The following SLC38A1 variants were observed in gnomAD, a reference collection of about 807,000 sequenced individuals.
The protein encoded by SLC38A1 is sodium-coupled neutral amino acid symporter 1.
Under a neutral mutation model 60.3 loss-of-function variants are expected in SLC38A1, and 18 were observed. The ratio of observed to expected loss-of-function variants is 0.30; its 90% CI spans 0.21 to 0.44. The LOEUF (loss-of-function observed/expected upper bound fraction) is 0.44, where lower values mean the gene tolerates loss of function less well. Among genes scored for constraint, SLC38A1 ranks in the 20% least tolerant of loss-of-function variants. SLC38A1 has a pLI of 1.00. For synonymous variants in SLC38A1, 196 were observed against 212.1 expected (o/e 0.92, Z 0.66); for missense variants, 448 against 587.2 (o/e 0.76, Z 2.45).
chr12:46,197,608 G>A (rs377472399), intron 16 of SLC38A1, 112 bp downstream of exon 16: 48 of 738,124 alleles, frequency 6.5e-5, no homozygotes, highest in Middle Eastern at 7.8e-4. Flanking sequence ...CAGGGCTTCT[G>A]CCTCCTTTCA....
At position 46,189,115 on chromosome 12, in the gene SLC38A1, T is replaced by G. The variant is rs200407114; in HGVS notation, c.1363-44A>C. 1.6e-4 allele frequency: 243 copies of G among 1,494,976 alleles called. No individual in the cohort carries two copies. In the African/African-American group the frequency reaches 2.9e-3, roughly 18 times the overall value. The allele number at this position is 1,494,976 out of a possible 1,614,324, so 92.6% of individuals were successfully genotyped here. ...AAGGGTTATTTTCAGTGCAGCAAAATTTTTCCACATGTACCTGGGGAAAAA... is the reference window on the plus strand; with the variant it reads ...AAGGGTTATTTTCAGTGCAGCAAAAGTTTTCCACATGTACCTGGGGAAAAA... On this transcript the variant is annotated intron_variant, in intron 16 of 16. Coordinates refer to ENST00000398637, the MANE Select transcript of SLC38A1 (RefSeq NM_030674.4).
chr12:46,217,766 G>A (rs1940479381), intron 5 of SLC38A1, among the ~76,000 whole-genome samples: 2 of 152,196 alleles, frequency 1.3e-5, no homozygotes, highest in African/African-American at 4.8e-5. Flanking sequence ...TGTAGCATGT[G>A]ATCATGTATA....
chr12:46,208,302 AAGTGTTTATATTTCTTT>A (rs1269744114), intron 6 of SLC38A1, among the ~76,000 whole-genome samples: 3 of 152,348 alleles, frequency 2.0e-5, no homozygotes, highest in Non-Finnish European at 2.9e-5. Flanking sequence ...ACTTTTTAAA[AAGTGTTTATATTTCTTT>A]ATAACTGTTC....
chr12:46,214,644 G>A (rs1940322597), intron 5 of SLC38A1, among the ~76,000 whole-genome samples: 1 of 152,088 alleles, frequency 6.6e-6, no homozygotes, highest in Non-Finnish European at 1.5e-5. Context: ...TTAAATTGGA[G>A]AATTTTATTG....
rs148537728 is a variant in SLC38A1 at position 46,253,332 on chromosome 12, G to C, written c.-208-10018C>G. ...TTATTAAGAAAGTAAAGGAATAAAA[G>C]AATGGCTACTCCACAGACAGAGCGG... On this transcript the variant is annotated intron_variant, in intron 1 of 16. Transcript: ENST00000398637. 9.8e-3 allele frequency among the ~76,000 whole-genome samples: 1,498 copies of C among 152,342 alleles called. 18 individuals carry two copies. The highest frequency in any genetic ancestry group is 0.034 in the African/African-American group (1,422 of 41,586).
chr12:46,268,515 A>G lies in SLC38A1; in HGVS notation c.-209+11T>C, dbSNP rs1314625960. ...CGCCCAGCCCTCCCCGGGAACGGAT[A>G]ATCACCTTACCTCCGGAAATAAAGG... On this transcript the variant is annotated intron_variant, in intron 1 of 16. Transcript: ENST00000398637. This position sits in a 1 kb window ranked among gnomAD's most constrained non-coding sequence, Gnocchi z 4.4. 6.2e-6 allele frequency: 1 copy of G among 162,416 alleles called. No individual in the cohort carries two copies. The highest frequency in any genetic ancestry group is 2.4e-5 in the African/African-American group (1 of 41,896). The allele number at this position is 162,416 out of a possible 1,614,324, so 10.1% of individuals were successfully genotyped here. A position where few individuals can be genotyped will look rare whatever the true frequency, so the allele number is the denominator to read the frequency against.
At chr12:46,221,886 GA>G (rs1041697615) in intron 5 of SLC38A1, among the ~76,000 whole-genome samples, 1 of 152,158 alleles carries the variant, frequency 6.6e-6, no homozygotes, top group African/African-American at 2.4e-5. Context: ...AGCAGTTTTG[GA>G]GGAGATAACA....
intron 1 of SLC38A1, among the ~76,000 whole-genome samples, chr12:46,251,217 C>A (rs1340111582): frequency 1.3e-5 from 2 of 152,162 alleles, no homozygotes; most frequent in Non-Finnish European, 2.9e-5. Flanking sequence ...TGATCTTTGA[C>A]AAACCTGACA....
At chr12:46,228,335 C>T (rs554666986) in intron 5 of SLC38A1, among the ~76,000 whole-genome samples, 4 of 152,248 alleles carry the variant, frequency 2.6e-5, no homozygotes, top group East Asian at 1.9e-4. Context: ...GTAACCATTT[C>T]GGTCACTGCT....
At chr12:46,239,220 A>G (rs921526720) in intron 3 of SLC38A1, 1 of 152,866 alleles carries the variant, frequency 6.5e-6, no homozygotes, top group African/African-American at 2.4e-5. Context: ...ATGTCACATA[A>G]GAAATTCAAA....
chr12:46,183,839 TGA>T lies in SLC38A1; in HGVS notation c.*5129_*5130del, dbSNP rs1397109430. 1 of 152,296 alleles carries T rather than the reference TGA, an allele frequency of 6.6e-6. No individual in the cohort carries two copies. The highest frequency in any genetic ancestry group is 6.5e-5 in the Admixed American group (1 of 15,270). The allele number at this position is 152,296 out of a possible 1,614,324, so 9.4% of individuals were successfully genotyped here. On this transcript the variant is annotated 3_prime_UTR_variant, in exon 17 of 17. Coordinates refer to ENST00000398637, the MANE Select transcript of SLC38A1 (RefSeq NM_030674.4). The stretch of plus-strand genomic sequence containing the variant: ...AGGGTTTCAGGTTCCAAGTTTACAT[TGA>T]GAGAACTATGTTACCTGGGAGAGAA...
chr12:46,207,262 G>T (rs760213498), intron 7 of SLC38A1, 26 bp from the exon 8 acceptor site: 1 of 1,582,176 alleles, frequency 6.3e-7, no homozygotes, highest in South Asian at 1.1e-5. Flanking sequence ...AACATTTTTA[G>T]AAAGAAGATA....
intron 13 of SLC38A1, among the ~76,000 whole-genome samples, chr12:46,199,324 TG>T (rs760891193): frequency 0.25 from 28,085 of 112,360 alleles, 3,381 homozygotes; most frequent in African/African-American, 0.37. Context: ...TGTGTGTGTG[TG>T]TGTGTGTGTG....
chr12:46,239,917 AT>A (rs1420651452), intron 2 of SLC38A1, 24 bp from the exon 3 acceptor site: 3 of 845,602 alleles, frequency 3.5e-6, no homozygotes, highest in South Asian at 1.7e-5. Flanking sequence ...AAATAAAAAA[AT>A]AACTAAACAT....
chr12:46,197,609 C>A, intron 16 of SLC38A1, 111 bp downstream of exon 16: 1 of 741,148 alleles, frequency 1.3e-6, no homozygotes, highest in Non-Finnish European at 2.4e-6. Context: ...AGGGCTTCTG[C>A]CTCCTTTCAA....
intron 1 of SLC38A1, among the ~76,000 whole-genome samples, 174 bp from the exon 2 acceptor site, chr12:46,243,488 A>T (rs974405121): frequency 6.6e-6 from 1 of 152,182 alleles, no homozygotes; most frequent in African/African-American, 2.4e-5. Flanking sequence ...TACTTGGTTA[A>T]CTCTGCCAGA....
intron 12 of SLC38A1, among the ~76,000 whole-genome samples, chr12:46,202,794 G>C (rs1270183764): frequency 6.6e-6 from 1 of 152,152 alleles, no homozygotes; most frequent in South Asian, 2.1e-4. Flanking sequence ...TTATGTTTAT[G>C]GCCCCCCAAA....
Position 46,183,489 on chromosome 12 carries a change from C to T in SLC38A1, c.*5481G>A, listed in dbSNP as rs1000786650. On this transcript the variant is annotated 3_prime_UTR_variant, in exon 17 of 17. Transcript: ENST00000398637. ...TTGTTTTCTTTCCTTCAAATTTGTGCTCATAATTAATATTCAGGTTCCCTC... is the reference window on the plus strand; with the variant it reads ...TTGTTTTCTTTCCTTCAAATTTGTGTTCATAATTAATATTCAGGTTCCCTC... 6.6e-5 allele frequency: 10 copies of T among 152,126 alleles called. No individual in the cohort carries two copies. Among genetic ancestry groups the T allele is most frequent in the Non-Finnish European group, 1.3e-4 (9 of 68,022 alleles). The allele number at this position is 152,126 out of a possible 1,614,324, so 9.4% of individuals were successfully genotyped here.
chr12:46,253,098 A>G (rs1941910801), intron 1 of SLC38A1, among the ~76,000 whole-genome samples: 1 of 152,132 alleles, frequency 6.6e-6, no homozygotes, highest in Admixed American at 6.6e-5. Context: ...AAGGATATGA[A>G]GTTGCAGATG....
Sources: gnomAD v4.1 joint callset for allele counts (sites outside exome capture counted in the v4.1 genomes callset) on GRCh38, gnomAD v4.1.1 for gene constraint, Gnocchi (gnomAD v3.1) non-coding constraint, MANE v1.5 for transcripts, NCBI Gene and HGNC (gene_info 2026-07-23, HGNC 2026-07-21) for gene names.